The following GPC1 variants were observed in gnomAD, a reference collection of about 807,000 sequenced individuals.
GPC1 encodes the protein glypican 1.
GPC1 carries 26 observed loss-of-function variants against 51.5 expected under a neutral mutation model. The ratio of observed to expected loss-of-function variants is 0.50; its 90% CI spans 0.37 to 0.70. GPC1 has a LOEUF of 0.70. Among genes scored for constraint, GPC1 ranks in the 30% least tolerant of loss-of-function variants. The pLI, the probability that GPC1 is intolerant of heterozygous loss-of-function variation, is 0.00. For missense variants in GPC1, 775 were observed against 800.5 expected (o/e 0.97, Z 0.38); for synonymous variants, 380 against 348.3 (o/e 1.09, Z -1.01).
At chr2:240,458,882 C>T in intron 1 of GPC1, 148 bp from the exon 2 acceptor site, 1 of 653,204 alleles carries the variant, frequency 1.5e-6, no homozygotes, top group Non-Finnish European at 2.6e-6. Flanking sequence ...ACCACTTCTG[C>T]CTTCACCCAG....
chr2:240,462,148 C>T (rs757213725), intron 2 of GPC1, 43 bp from the exon 3 acceptor site: 23 of 1,505,980 alleles, frequency 1.5e-5, no homozygotes, highest in African/African-American at 4.2e-5. Flanking sequence ...GCTGCCACGG[C>T]GGGGGAAACA....
Position 240,466,458 on chromosome 2 carries a change from C to A in GPC1, c.*168C>A, listed in dbSNP as rs981550470. 1 of 582,024 alleles carries A rather than the reference C, an allele frequency of 1.7e-6. No homozygotes were observed. The highest frequency in any genetic ancestry group is 2.8e-5 in the East Asian group (1 of 35,660). The allele number at this position is 582,024 out of a possible 1,614,324, so 36.1% of individuals were successfully genotyped here. A position where few individuals can be genotyped will look rare whatever the true frequency, so the allele number is the denominator to read the frequency against. ...GTCCCAGCCCCAGGCCTGGCCTCGC[C>A]TGCCTTTCTGCCTTTTAATTTTGTA... On this transcript the variant is annotated 3_prime_UTR_variant, in exon 9 of 9. Transcript: ENST00000264039.
chr2:240,463,723 C>T (rs776091205), intron 4 of GPC1: 30 of 574,432 alleles, frequency 5.2e-5, no homozygotes, highest in Non-Finnish European at 9.0e-5. Flanking sequence ...GGGGCAGCTG[C>T]CAGGGAGGGA....
At chr2:240,443,430 C>T (rs1334127201) in intron 1 of GPC1, among the ~76,000 whole-genome samples, 3 of 152,204 alleles carry the variant, frequency 2.0e-5, no homozygotes, top group African/African-American at 7.2e-5. Flanking sequence ...AGGCCCGCTG[C>T]TCTCTTGTGC....
In GPC1 at chr2:240,462,519, G is replaced by A; in HGVS notation, c.654G>A (p.Val218=). The change falls in exon 3 of 9, where the codon GTG becomes GTA. Residue 218 remains valine, a synonymous_variant. Transcript: ENST00000264039. Reference sequence around the variant, plus strand: ...GCCTGCGGGCCACCCGTGCCTTCGTGGCTGCTCGCTCCTTTGTGCAGGGCC... The same window carrying A: ...GCCTGCGGGCCACCCGTGCCTTCGTAGCTGCTCGCTCCTTTGTGCAGGGCC... The part of the protein sequence containing the change: ...ELRLRATRAF[V]AARSFVQGLG... The A allele has an allele frequency of 6.3e-7, 1 of 1,584,532 alleles. No individual in the cohort carries two copies. The highest frequency in any genetic ancestry group is 1.1e-5 in the South Asian group (1 of 89,606).
At chr2:240,464,392 C>T in intron 4 of GPC1, 1 of 560,878 alleles carries the variant, frequency 1.8e-6, no homozygotes, top group Non-Finnish European at 3.2e-6. Flanking sequence ...GCGTGTTCAC[C>T]TGTGCCCGTG....
intron 1 of GPC1, among the ~76,000 whole-genome samples, chr2:240,453,324 C>G (rs1273704033): frequency 8.9e-5 from 3 of 33,694 alleles, no homozygotes; most frequent in South Asian, 1.2e-3. Context: ...ACCGCCCGCC[C>G]CGCTCCCACC....
chr2:240,458,936 G>C (rs933993605), intron 1 of GPC1, 94 bp from the exon 2 acceptor site: 6 of 1,197,378 alleles, frequency 5.0e-6, no homozygotes, highest in Non-Finnish European at 7.2e-6. Context: ...GCTCCACCCT[G>C]GGTCTGCCAT....
At chr2:240,451,329 C>A (rs1200236869) in intron 1 of GPC1, 3 of 457,822 alleles carry the variant, frequency 6.6e-6, no homozygotes, top group Non-Finnish European at 1.4e-5. Context: ...TCTAGCGTGC[C>A]CCCTGTGGGT....
At chr2:240,464,326 G>A (rs570931463) in intron 4 of GPC1, 36 of 436,302 alleles carry the variant, frequency 8.3e-5, no homozygotes, top group South Asian at 2.7e-4. Context: ...ATGAGCCAGC[G>A]TGGACATACG....
chr2:240,453,028 C>T (rs1488481794), intron 1 of GPC1: 2 of 347,014 alleles, frequency 5.8e-6, no homozygotes, highest in Non-Finnish European at 1.1e-5. Flanking sequence ...AAGGGGGTCC[C>T]GCGTCCGCCG....
At chr2:240,451,035 G>T in intron 1 of GPC1, 1 of 441,556 alleles carries the variant, frequency 2.3e-6, no homozygotes, top group Non-Finnish European at 4.8e-6. Context: ...GGAGAGCCAG[G>T]CCTGGGACCA....
rs1297049809 is a variant in GPC1 at position 240,448,956 on chromosome 2, A to G, written c.167-10074A>G. Among the ~76,000 whole-genome samples the G allele has an allele frequency of 1.3e-5, 2 of 151,624 alleles. No individual in the cohort carries two copies. The highest frequency in any genetic ancestry group is 4.8e-5 in the African/African-American group (2 of 41,260). ...CTGGGCTTCTCATTTCCTCCCCTTC[A>G]GTGAGGACAGGGGGACACTCAGGCC... On this transcript the variant is annotated intron_variant, in intron 1 of 8. Transcript: ENST00000264039. The surrounding 1 kb of genome is among the most constrained non-coding windows in gnomAD (Gnocchi z 4.5).
At chr2:240,451,442 C>G (rs569527093) in intron 1 of GPC1, 19 of 354,232 alleles carry the variant, frequency 5.4e-5, no homozygotes, top group Middle Eastern at 6.9e-4. Context: ...GGGCAGAGCC[C>G]CAGGAGGACA....
chr2:240,456,858 C>G (rs1001999318), intron 1 of GPC1: 1 of 306,384 alleles, frequency 3.3e-6, no homozygotes, highest in African/African-American at 2.2e-5. Flanking sequence ...TCCCAGTCTT[C>G]TTGCCTGAGG....
Position 240,466,059 on chromosome 2 carries a change from TGAC to T in GPC1, c.1451_1453del (p.Asp484del), listed in dbSNP as rs1438379684. ...GCCGGAGCCTCCTCTCCTTCCCAGGTGACGACGGCAGCGGCTCGGGCAGCGGTG... is the reference window on the plus strand; with the variant it reads ...GCCGGAGCCTCCTCTCCTTCCCAGGTGACGGCAGCGGCTCGGGCAGCGGTG... On this transcript the variant is annotated inframe_deletion and splice_region_variant, in exon 9 of 9. Transcript: ENST00000264039. 1.6e-5 allele frequency: 25 copies of T among 1,605,850 alleles called. No homozygotes were observed. Among genetic ancestry groups the T allele is most frequent in the Non-Finnish European group, 1.9e-5 (22 of 1,174,460 alleles).
At chr2:240,450,751 T>C in intron 1 of GPC1, 1 of 469,954 alleles carries the variant, frequency 2.1e-6, no homozygotes, top group Non-Finnish European at 4.4e-6. Context: ...ACTGGGCAGA[T>C]TCCCCCCGAC....
chr2:240,463,730 G>A (rs1472149151), intron 4 of GPC1: 8 of 574,204 alleles, frequency 1.4e-5, no homozygotes, highest in Non-Finnish European at 2.5e-5. Flanking sequence ...CTGCCAGGGA[G>A]GGAGCCCTGT....
At chr2:240,463,274 C>G in intron 3 of GPC1, 73 bp from the exon 4 acceptor site, 3 of 1,371,328 alleles carry the variant, frequency 2.2e-6, no homozygotes, top group Non-Finnish European at 3.1e-6. Flanking sequence ...TACCCTGGGG[C>G]TTCGTTAGGG....
Sources: gnomAD v4.1 joint callset for allele counts (sites outside exome capture counted in the v4.1 genomes callset) on GRCh38, gnomAD v4.1.1 for gene constraint, Gnocchi (gnomAD v3.1) non-coding constraint, MANE v1.5 for transcripts, NCBI Gene and HGNC (gene_info 2026-07-23, HGNC 2026-07-21) for gene names.